Variants in TECTA observed in about 807,000 individuals in gnomAD.
TECTA encodes alpha-tectorin.
Under a neutral mutation model 216.8 loss-of-function variants are expected in TECTA, and 128 were observed. That is an observed-to-expected ratio of 0.59 (90% CI 0.51 to 0.68). The LOEUF is 0.68. TECTA is among the 30% of genes least tolerant of loss of function. TECTA has a pLI of 0.00. For synonymous variants in TECTA, 1,089 were observed against 1,117.1 expected (o/e 0.97, Z 0.50); for missense variants, 2,551 against 2,786.2 (o/e 0.92, Z 1.90).
In TECTA at chr11:121,113,375, A is replaced by C. The variant is rs1946463251; in HGVS notation, c.624+166A>C. ...AGTCCTGCCCATGTTTGGCACCCTGACTCGGCTATGAAATGAACTAGGCAG... is the reference window on the plus strand; with the variant it reads ...AGTCCTGCCCATGTTTGGCACCCTGCCTCGGCTATGAAATGAACTAGGCAG... On this transcript the variant is annotated intron_variant, in intron 5 of 23. Transcript: ENST00000392793. This position sits in a 1 kb window ranked among gnomAD's most constrained non-coding sequence, Gnocchi z 4.2. 6.6e-6 allele frequency among the ~76,000 whole-genome samples: 1 copy of C among 152,008 alleles called. No individual in the cohort carries two copies. The highest frequency in any genetic ancestry group is 1.5e-5 in the Non-Finnish European group (1 of 68,004).
chr11:121,179,999 A>G (rs1311959874), intron 20 of TECTA, among the ~76,000 whole-genome samples: 1 of 149,040 alleles, frequency 6.7e-6, no homozygotes, highest in African/African-American at 2.5e-5. Flanking sequence ...TAGCTGTTCA[A>G]CCAGTCTGTA....
At chr11:121,115,859 G>A (rs563554365) in intron 6 of TECTA, among the ~76,000 whole-genome samples, 3 of 152,072 alleles carry the variant, frequency 2.0e-5, no homozygotes, top group Non-Finnish European at 4.4e-5. Context: ...GTCTCAGTAT[G>A]TTGCCCAGGC....
chr11:121,148,946 C>T (rs907501479), intron 12 of TECTA, among the ~76,000 whole-genome samples: 7 of 152,206 alleles, frequency 4.6e-5, no homozygotes, highest in African/African-American at 1.2e-4. Context: ...GTCCCTTAAT[C>T]GGGGACTGTA....
Position 121,165,375 on chromosome 11 carries a change from A to G in TECTA, c.5375A>G (p.Tyr1792Cys), listed in dbSNP as rs2135128811. ...TGTGGCTGCATCGAGCCACCCCCCT[A>G]TGGAAATAGTGAGTGACATGGGCCA... The part of the protein sequence containing the change: ...ELCGCIEPPP[Y>C]GNNSHDIIDA... Residue 1792 changes from tyrosine to cysteine, a missense_variant, in exon 17 of 24, where the codon TAT (tyrosine) becomes TGT (cysteine). Tyr to Cys is a radical substitution (Grantham distance 194). Coordinates refer to ENST00000392793, the MANE Select transcript of TECTA (RefSeq NM_005422.4). 1.3e-6 allele frequency: 2 copies of G among 1,587,118 alleles called. No homozygotes were observed. Among genetic ancestry groups the G allele is most frequent in the Non-Finnish European group, 1.7e-6 (2 of 1,165,964 alleles).
Position 121,112,960 on chromosome 11 carries a change from C to T in TECTA, c.487-112C>T, listed in dbSNP as rs140674188. The T allele has an allele frequency of 7.5e-4, 1,030 of 1,365,924 alleles. 2 individuals are homozygous for T. The highest frequency in any genetic ancestry group is 1.4e-3 in the Admixed American group (76 of 53,774). The allele number at this position is 1,365,924 out of a possible 1,614,324, so 84.6% of individuals were successfully genotyped here. A position where few individuals can be genotyped will look rare whatever the true frequency, so the allele number is the denominator to read the frequency against. On this transcript the variant is annotated intron_variant, in intron 4 of 23. Transcript: ENST00000392793. ...AGAGCTGGAGGGCCTGGCTGCAGAGCAGCTCTGAGCTGCCTGTGGGTGGGG... is the reference window on the plus strand; with the variant it reads ...AGAGCTGGAGGGCCTGGCTGCAGAGTAGCTCTGAGCTGCCTGTGGGTGGGG...
rs769473939 is a variant in TECTA, at chr11:121,187,829, T to C, written c.6000-3T>C. On this transcript the variant is annotated splice_polypyrimidine_tract_variant and splice_region_variant and intron_variant, in intron 20 of 23. Coordinates refer to ENST00000392793, the MANE Select transcript of TECTA (RefSeq NM_005422.4). ...CAAAGATTCCATTATTTTTTCTGAA[T>C]AGGTGTCAGAACCTCAAAGATAACA... is the stretch of plus-strand genomic sequence containing the variant. The C allele has an allele frequency of 2.5e-6, 4 of 1,614,094 alleles. No individual in the cohort carries two copies. The highest frequency in any genetic ancestry group is 2.2e-5 in the South Asian group (2 of 91,090).
At chr11:121,152,846 A>G (rs1946903537) in intron 12 of TECTA, 35 bp from the exon 13 acceptor site, 2 of 1,574,378 alleles carry the variant, frequency 1.3e-6, no homozygotes, top group African/African-American at 1.3e-5. Flanking sequence ...GTGCCTTGTG[A>G]TCGTGCGAGT....
intron 7 of TECTA, among the ~76,000 whole-genome samples, chr11:121,122,244 G>A (rs1946565174): frequency 6.6e-6 from 1 of 152,110 alleles, no homozygotes; most frequent in African/African-American, 2.4e-5. Flanking sequence ...CATGAGGGTG[G>A]AGCCCTTATG....
At chr11:121,107,378 T>G (rs1408694023) in intron 3 of TECTA, among the ~76,000 whole-genome samples, 1 of 152,204 alleles carries the variant, frequency 6.6e-6, no homozygotes, top group African/African-American at 2.4e-5. Flanking sequence ...TCCAACACTT[T>G]GAGTAGTGCA....
chr11:121,178,108 A>G (rs1206036989), intron 20 of TECTA, among the ~76,000 whole-genome samples: 1 of 152,038 alleles, frequency 6.6e-6, no homozygotes, highest in Non-Finnish European at 1.5e-5. Context: ...AGGAAAGGGA[A>G]CTCCCTGACC....
chr11:121,136,360 T>C (rs902557006), intron 10 of TECTA, among the ~76,000 whole-genome samples: 2 of 151,820 alleles, frequency 1.3e-5, no homozygotes, highest in Admixed American at 6.6e-5. Context: ...TGGGGGGCTG[T>C]CCAGGAAGGG....
intron 11 of TECTA, 117 bp downstream of exon 11, chr11:121,138,139 T>G: frequency 7.0e-7 from 1 of 1,431,714 alleles, no homozygotes; most frequent in South Asian, 1.2e-5. Flanking sequence ...TCTTAGTATA[T>G]TAAAGCAGAG....
At position 121,180,324 on chromosome 11, in the gene TECTA, C is replaced by T. The variant is rs144031712; in HGVS notation, c.6000-7508C>T. 2.3e-3 allele frequency among the ~76,000 whole-genome samples: 350 copies of T among 152,084 alleles called. 3 individuals carry two copies. The highest frequency in any genetic ancestry group is 4.4e-4 in the Non-Finnish European group (30 of 67,992). On this transcript the variant is annotated intron_variant, in intron 20 of 23. Coordinates refer to ENST00000392793, the MANE Select transcript of TECTA (RefSeq NM_005422.4). The stretch of plus-strand genomic sequence containing the variant: ...GTAGGGCTGGCCTGGTGGTGAATTC[C>T]CTCAGTTTTTGCTTGTCTGGGAAAT...
rs77229972 is a variant in TECTA at position 121,165,803 on chromosome 11, G to T, written c.5383+420G>T. 4.6e-5 allele frequency among the ~76,000 whole-genome samples: 7 copies of T among 152,278 alleles called. No homozygotes were observed. The South Asian group carries it at 1.2e-3, about 27-fold the overall frequency. ...TCTGAAGCAAGCCATAAATAACTAG[G>T]ACTCCAGGACTTGTTCCTAACTGTA... On this transcript the variant is annotated intron_variant, in intron 17 of 23. Transcript: ENST00000392793.
intron 12 of TECTA, among the ~76,000 whole-genome samples, chr11:121,150,102 C>T (rs1946875474): frequency 6.6e-6 from 1 of 152,082 alleles, no homozygotes; most frequent in Non-Finnish European, 1.5e-5. Flanking sequence ...GGCATATGAA[C>T]AAGTTAAACA....
chr11:121,172,602 G>A (rs1456421936), intron 20 of TECTA, among the ~76,000 whole-genome samples: 1 of 151,804 alleles, frequency 6.6e-6, no homozygotes, highest in Non-Finnish European at 1.5e-5. Context: ...TGGACATTTG[G>A]GTTGGTTCCA....
At chr11:121,108,718 C>A (rs1455436707) in intron 3 of TECTA, among the ~76,000 whole-genome samples, 3 of 150,844 alleles carry the variant, frequency 2.0e-5, no homozygotes, top group East Asian at 2.0e-4. Flanking sequence ...CACATACCCC[C>A]ACTCCAGTAC....
intron 12 of TECTA, among the ~76,000 whole-genome samples, chr11:121,146,453 T>C (rs1031973101): frequency 6.6e-6 from 1 of 152,170 alleles, no homozygotes; most frequent in Non-Finnish European, 1.5e-5. Context: ...GAAGGATTAG[T>C]TACTAAGTTC....
chr11:121,141,236 T>C (rs988428466), intron 11 of TECTA, among the ~76,000 whole-genome samples: 2 of 152,182 alleles, frequency 1.3e-5, no homozygotes, highest in African/African-American at 4.8e-5. Context: ...ATGATGTTAT[T>C]ATTAGTCACC....
Sources: allele counts gnomAD v4.1 joint callset (sites outside exome capture counted in the v4.1 genomes callset), GRCh38; gene constraint gnomAD v4.1.1; non-coding constraint Gnocchi (gnomAD v3.1); transcripts MANE v1.5; gene names NCBI Gene and HGNC (gene_info 2026-07-23, HGNC 2026-07-21).